The following ANK3 variants were observed in gnomAD, a reference collection of about 807,000 sequenced individuals.
ANK3 encodes ankyrin 3.
ANK3 carries 57 observed loss-of-function variants against 370.9 expected under a neutral mutation model. The ratio of observed to expected loss-of-function variants is 0.15; its 90% CI spans 0.12 to 0.19. The LOEUF is 0.19. Among genes scored for constraint, ANK3 ranks in the 10% least tolerant of loss-of-function variants. The pLI is 1.00. For synonymous variants in ANK3, 1,929 were observed against 1,946.3 expected (o/e 0.99, Z 0.23); for missense variants, 4,439 against 5,302.1 (o/e 0.84, Z 5.06).
intron 23 of ANK3, among the ~76,000 whole-genome samples, chr10:60,158,355 A>G (rs7097079): frequency 0.55 from 83,970 of 152,010 alleles, 23,802 homozygotes; most frequent in South Asian, 0.63. Flanking sequence ...TGTGGTGTAC[A>G]AACCACTCAT....
chr10:60,049,443 C>T (rs553116125), intron 42 of ANK3, among the ~76,000 whole-genome samples: 23 of 152,092 alleles, frequency 1.5e-4, no homozygotes, highest in African/African-American at 4.6e-4. Flanking sequence ...AAAAATTAGC[C>T]GGGTGTGGTG....
At chr10:60,730,725 GAAC>G (rs1273963818) in intron 1 of ANK3, among the ~76,000 whole-genome samples, 1 of 152,210 alleles carries the variant, frequency 6.6e-6, no homozygotes, top group Non-Finnish European at 1.5e-5. Flanking sequence ...ATAGTTATGT[GAAC>G]AACAGCCCAG....
At chr10:60,337,856 T>C (rs1245825824) in intron 1 of ANK3, among the ~76,000 whole-genome samples, 1 of 152,166 alleles carries the variant, frequency 6.6e-6, no homozygotes, top group Non-Finnish European at 1.5e-5. Flanking sequence ...ATTATTGGAG[T>C]ACCATATTAG....
chr10:60,137,238 C>G lies in ANK3; in HGVS notation c.2738+1726G>C, dbSNP rs182573734. On this transcript the variant is annotated intron_variant, in intron 24 of 43. Coordinates refer to ENST00000280772, the MANE Select transcript of ANK3 (RefSeq NM_020987.5). ...GAGCAGAAAAAAAGAAAGCACATCG[C>G]AGCACATCACAGCACATCACATTAC... 385 of 194,920 alleles carry G rather than the reference C, an allele frequency of 2.0e-3. 1 individual carries two copies. The highest frequency in any genetic ancestry group is 8.2e-3 in the African/African-American group (345 of 42,124). The allele number at this position is 194,920 out of a possible 1,614,324, so 12.1% of individuals were successfully genotyped here.
chr10:60,623,458 C>T (rs1438998516), intron 1 of ANK3, among the ~76,000 whole-genome samples: 3 of 152,028 alleles, frequency 2.0e-5, no homozygotes, highest in African/African-American at 7.3e-5. Context: ...AGGGGAAAGG[C>T]CAGGTAGGAA....
chr10:60,198,335 C>T lies in ANK3; in HGVS notation c.1689+5G>A. 6.2e-7 allele frequency: 1 copy of T among 1,614,160 alleles called. No individual in the cohort carries two copies. The highest frequency in any genetic ancestry group is 1.1e-5 in the South Asian group (1 of 91,076). On this transcript the variant is annotated splice_donor_5th_base_variant and intron_variant, in intron 14 of 43. Coordinates refer to ENST00000280772, the MANE Select transcript of ANK3 (RefSeq NM_020987.5). ...AGAGCAGGATTCTGAGATTTGCTTTCATACCTTTGTTGTTATAGATAAAGA... is the reference window on the plus strand; with the variant it reads ...AGAGCAGGATTCTGAGATTTGCTTTTATACCTTTGTTGTTATAGATAAAGA...
At chr10:60,633,444 A>G (rs1395085706) in intron 1 of ANK3, among the ~76,000 whole-genome samples, 3 of 152,216 alleles carry the variant, frequency 2.0e-5, no homozygotes, top group Non-Finnish European at 2.9e-5. Context: ...GAATCATCAT[A>G]TAAGTTAAAA....
chr10:60,048,964 T>C (rs1425517924), intron 42 of ANK3, among the ~76,000 whole-genome samples: 1 of 152,218 alleles, frequency 6.6e-6, no homozygotes, highest in Non-Finnish European at 1.5e-5. Flanking sequence ...CATGTCATAT[T>C]CACCATATAC....
chr10:60,086,927 T>C, intron 29 of ANK3, 43 bp from the exon 30 acceptor site: 1 of 1,417,370 alleles, frequency 7.1e-7, no homozygotes, highest in Non-Finnish European at 9.4e-7. Flanking sequence ...GACTTTTTTT[T>C]TTTTTTTTCC....
rs564403310 is a variant in ANK3 at position 60,250,525 on chromosome 10, C to T, written c.798+11334G>A. Among the ~76,000 whole-genome samples the T allele has an allele frequency of 1.4e-3, 215 of 152,186 alleles. 2 individuals are homozygous for T. The highest frequency in any genetic ancestry group is 3.4e-3 in the Middle Eastern group (1 of 294). ...GACTACAGGTGCCTGCCACCACGCC[C>T]AGCTAATTTTTTTGTATTTTTAGTA... On this transcript the variant is annotated intron_variant, in intron 7 of 43. Transcript: ENST00000280772.
At chr10:60,382,836 TTTA>T (rs1256982940) in intron 1 of ANK3, among the ~76,000 whole-genome samples, 1 of 148,856 alleles carries the variant, frequency 6.7e-6, no homozygotes, top group African/African-American at 2.5e-5. Flanking sequence ...TGCCAATGCT[TTTA>T]TTGTTTTTTC....
At chr10:60,673,625 T>G (rs1329933490) in intron 1 of ANK3, among the ~76,000 whole-genome samples, 3 of 152,204 alleles carry the variant, frequency 2.0e-5, no homozygotes, top group Non-Finnish European at 2.9e-5. Context: ...GTGCTGGGAT[T>G]ACAGGCATGA....
chr10:60,059,820 G>A (rs2079985295), intron 40 of ANK3: 3 of 1,614,074 alleles, frequency 1.9e-6, no homozygotes, highest in Middle Eastern at 1.6e-4. Context: ...TACGACTGGA[G>A]GTCCATCTGC....
At chr10:60,298,003 A>T (rs185176032) in intron 1 of ANK3, among the ~76,000 whole-genome samples, 70 of 152,178 alleles carry the variant, frequency 4.6e-4, no homozygotes, top group Non-Finnish European at 9.6e-4. Context: ...ATCATTGAAA[A>T]ATATATATAT....
At chr10:60,094,991 C>A (rs1028593060) in intron 28 of ANK3, among the ~76,000 whole-genome samples, 1 of 152,202 alleles carries the variant, frequency 6.6e-6, no homozygotes, top group Admixed American at 6.5e-5. Flanking sequence ...AGAACGAAAT[C>A]CCCAGACAGC....
chr10:60,355,641 A>G (rs973943735), intron 1 of ANK3, among the ~76,000 whole-genome samples: 2 of 152,320 alleles, frequency 1.3e-5, no homozygotes, highest in Admixed American at 6.5e-5. Flanking sequence ...CCTACTCACA[A>G]AAGACCATGA....
intron 1 of ANK3, among the ~76,000 whole-genome samples, chr10:60,711,447 G>T (rs932226572): frequency 6.6e-6 from 1 of 151,646 alleles, no homozygotes; most frequent in Admixed American, 6.6e-5. Context: ...CCTTTAATAG[G>T]CTCAGCTGTA....
At chr10:60,228,842 T>C (rs1009910537) in intron 8 of ANK3, among the ~76,000 whole-genome samples, 2 of 152,148 alleles carry the variant, frequency 1.3e-5, no homozygotes, top group East Asian at 1.9e-4. Flanking sequence ...TGGAACCACA[T>C]AGCAATTATC....
intron 2 of ANK3, among the ~76,000 whole-genome samples, chr10:60,593,601 T>G (rs2077946820): frequency 6.6e-6 from 1 of 152,202 alleles, no homozygotes; most frequent in African/African-American, 2.4e-5. Flanking sequence ...TTCTCAATAT[T>G]TCTAAAAGTA....
Sources: allele counts gnomAD v4.1 joint callset (sites outside exome capture counted in the v4.1 genomes callset), GRCh38; gene constraint gnomAD v4.1.1; transcripts MANE v1.5; gene names NCBI Gene and HGNC (gene_info 2026-07-23, HGNC 2026-07-21).